UNC5D: variants seen among roughly 807,000 people sequenced by gnomAD.
UNC5D encodes unc-5 netrin receptor D.
In UNC5D, 39 loss-of-function variants were observed where a neutral mutation model predicts 105.4. The observed-to-expected ratio is 0.37, with a 90% CI of 0.29 to 0.48. The LOEUF (loss-of-function observed/expected upper bound fraction) is 0.48, where lower values mean the gene tolerates loss of function less well. Among genes scored for constraint, UNC5D ranks in the 20% least tolerant of loss-of-function variants. The pLI is 0.98. For missense variants in UNC5D, 991 were observed against 1,202.4 expected (o/e 0.82, Z 2.60); for synonymous variants, 452 against 450.4 (o/e 1.00, Z -0.04).
intron 4 of UNC5D, among the ~76,000 whole-genome samples, chr8:35,617,286 A>G (rs544963705): frequency 6.6e-6 from 1 of 152,154 alleles, no homozygotes; most frequent in East Asian, 1.9e-4. Context: ...AATTTTGGTG[A>G]CTAGAAGGTG....
chr8:35,548,376 G>C (rs1398589267), intron 1 of UNC5D, among the ~76,000 whole-genome samples: 2 of 152,132 alleles, frequency 1.3e-5, no homozygotes, highest in African/African-American at 2.4e-5. Flanking sequence ...CAGTAGAATG[G>C]CCTTTCGAGG....
chr8:35,690,972 T>TAG (rs891258131), intron 7 of UNC5D, among the ~76,000 whole-genome samples: 1 of 152,228 alleles, frequency 6.6e-6, no homozygotes, highest in African/African-American at 2.4e-5. Flanking sequence ...TCTTGGCTCT[T>TAG]AGATGACCTA....
At chr8:35,705,428 C>T (rs991841216) in intron 7 of UNC5D, among the ~76,000 whole-genome samples, 2 of 152,258 alleles carry the variant, frequency 1.3e-5, no homozygotes, top group East Asian at 1.9e-4. Context: ...ACGTGTTCAC[C>T]GTGCCACACC....
At chr8:35,518,437 CCTT>C (rs753373901) in intron 1 of UNC5D, among the ~76,000 whole-genome samples, 3 of 151,070 alleles carry the variant, frequency 2.0e-5, no homozygotes, top group Admixed American at 6.6e-5. Context: ...CAGAATATAT[CCTT>C]CTGCAACATT....
intron 16 of UNC5D, among the ~76,000 whole-genome samples, chr8:35,775,147 C>T (rs531908586): frequency 8.5e-5 from 13 of 152,250 alleles, no homozygotes; most frequent in African/African-American, 2.9e-4. Context: ...TCACGTCTCC[C>T]CTCTACTATC....
chr8:35,626,480 A>G (rs1821706595), intron 4 of UNC5D, among the ~76,000 whole-genome samples: 1 of 152,208 alleles, frequency 6.6e-6, no homozygotes, highest in East Asian at 1.9e-4. Context: ...CATGGAAACC[A>G]TGCTCCTAGG....
intron 1 of UNC5D, among the ~76,000 whole-genome samples, chr8:35,502,803 G>C (rs1281781397): frequency 6.6e-6 from 1 of 151,688 alleles, no homozygotes; most frequent in African/African-American, 2.4e-5. Flanking sequence ...CTGACCTCGT[G>C]ATCTGCCCAC....
intron 3 of UNC5D, among the ~76,000 whole-genome samples, chr8:35,570,064 A>G (rs574748989): frequency 1.3e-5 from 2 of 152,258 alleles, no homozygotes; most frequent in South Asian, 4.1e-4. Context: ...TTGTCCAGGG[A>G]AAAACCTTGT....
chr8:35,334,877 A>T (rs886465366), intron 1 of UNC5D, among the ~76,000 whole-genome samples: 5 of 152,108 alleles, frequency 3.3e-5, no homozygotes, highest in Non-Finnish European at 7.4e-5. Flanking sequence ...CAGGTGTGAA[A>T]CTATCACCAT....
At chr8:35,472,054 A>G (rs1013009856) in intron 1 of UNC5D, among the ~76,000 whole-genome samples, 4 of 152,264 alleles carry the variant, frequency 2.6e-5, no homozygotes, top group African/African-American at 9.6e-5. Context: ...TGAAAGGGAC[A>G]CAGACTACAA....
At chr8:35,465,349 C>T (rs546783891) in intron 1 of UNC5D, among the ~76,000 whole-genome samples, 21 of 152,270 alleles carry the variant, frequency 1.4e-4, no homozygotes, top group Middle Eastern at 3.4e-3. Context: ...CAAGATTATG[C>T]CCCTGCACTC....
At chr8:35,444,817 G>C (rs1158364384) in intron 1 of UNC5D, among the ~76,000 whole-genome samples, 1 of 151,922 alleles carries the variant, frequency 6.6e-6, no homozygotes, top group East Asian at 1.9e-4. Flanking sequence ...AACCTCATAG[G>C]AATTATCCTT....
intron 1 of UNC5D, among the ~76,000 whole-genome samples, chr8:35,237,659 T>A (rs1195377288): frequency 6.6e-6 from 1 of 152,202 alleles, no homozygotes. Flanking sequence ...TGCTGTACAT[T>A]CTGCAGGCTT....
chr8:35,370,165 A>G (rs1802348202), intron 1 of UNC5D, among the ~76,000 whole-genome samples: 1 of 152,004 alleles, frequency 6.6e-6, no homozygotes, highest in South Asian at 2.1e-4. Context: ...GTGAAATATG[A>G]CTCTGTGATC....
At chr8:35,325,143 A>C (rs1810048844) in intron 1 of UNC5D, among the ~76,000 whole-genome samples, 1 of 152,200 alleles carries the variant, frequency 6.6e-6, no homozygotes, top group Non-Finnish European at 1.5e-5. Flanking sequence ...AGCAGAATTC[A>C]GAGGGAAATG....
intron 1 of UNC5D, among the ~76,000 whole-genome samples, chr8:35,451,147 A>T (rs1808126974): frequency 6.6e-6 from 1 of 151,412 alleles, no homozygotes; most frequent in East Asian, 2.0e-4. Context: ...GATTTCAAGC[A>T]ATTCTCCTGC....
chr8:35,442,396 A>G (rs902353135), intron 1 of UNC5D, among the ~76,000 whole-genome samples: 2 of 151,900 alleles, frequency 1.3e-5, no homozygotes, highest in Non-Finnish European at 2.9e-5. Flanking sequence ...TGTATGAAAG[A>G]TTGATTGTGA....
At chr8:35,452,724 T>G (rs899750514) in intron 1 of UNC5D, among the ~76,000 whole-genome samples, 1 of 152,214 alleles carries the variant, frequency 6.6e-6, no homozygotes, top group Non-Finnish European at 1.5e-5. Flanking sequence ...GCACAAGACA[T>G]GCTGAGAAAG....
At chr8:35,507,420 G>T (rs1812402271) in intron 1 of UNC5D, among the ~76,000 whole-genome samples, 1 of 152,102 alleles carries the variant, frequency 6.6e-6, no homozygotes. Context: ...GGTTATTGGT[G>T]CCATTAGAGG....
Sources: gnomAD v4.1 joint callset for allele counts (sites outside exome capture counted in the v4.1 genomes callset) on GRCh38, gnomAD v4.1.1 for gene constraint, MANE v1.5 for transcripts, NCBI Gene and HGNC (gene_info 2026-07-23, HGNC 2026-07-21) for gene names.